The following C6orf163 variants were observed in gnomAD, a reference collection of about 807,000 sequenced individuals.
The protein encoded by C6orf163 is chromosome 6 open reading frame 163.
A neutral mutation model predicts 28.4 loss-of-function variants in C6orf163; 22 were observed. The observed-to-expected ratio is 0.78, with a 90% CI of 0.55 to 1.11. The LOEUF is 1.11. C6orf163 is among the 50% of genes least tolerant of loss of function. The pLI is 0.00. For missense variants in C6orf163, 342 were observed against 389.1 expected (o/e 0.88, Z 1.02); for synonymous variants, 110 against 123.6 (o/e 0.89, Z 0.73).
intron 3 of C6orf163, among the ~76,000 whole-genome samples, chr6:87,351,994 T>C (rs1329594074): frequency 6.6e-6 from 1 of 152,240 alleles, no homozygotes; most frequent in Admixed American, 6.5e-5. Flanking sequence ...AGTCTTTCTT[T>C]AAATAATGTT....
chr6:87,348,436 A>C, intron 1 of C6orf163: 2 of 995,638 alleles, frequency 2.0e-6, no homozygotes, highest in Non-Finnish European at 2.4e-6. Flanking sequence ...TAGCCCTAGC[A>C]CCCAAATAGG....
intron 1 of C6orf163, chr6:87,347,803 TG>T (rs1215525344): frequency 3.0e-6 from 3 of 985,548 alleles, no homozygotes; most frequent in East Asian, 2.3e-4. Context: ...CTCCGGCAGC[TG>T]GGAAAGGAGG....
chr6:87,354,151 A>G (rs1285562645), intron 3 of C6orf163, among the ~76,000 whole-genome samples: 2 of 152,294 alleles, frequency 1.3e-5, no homozygotes, highest in Non-Finnish European at 2.9e-5. Context: ...GAGCCACCAC[A>G]CCCAGCAGGG....
At chr6:87,345,351 T>C in intron 1 of C6orf163, 104 bp downstream of exon 1, 1 of 1,178,696 alleles carries the variant, frequency 8.5e-7, no homozygotes, top group Non-Finnish European at 1.1e-6. Flanking sequence ...TCAGAGTTGC[T>C]TGTCCCTACA....
chr6:87,351,167 C>A (rs1777406239), intron 3 of C6orf163, among the ~76,000 whole-genome samples: 1 of 152,130 alleles, frequency 6.6e-6, no homozygotes, highest in Admixed American at 6.5e-5. Flanking sequence ...ATTGTTAGTT[C>A]AGTACCTCGA....
At chr6:87,360,937 C>A (rs919056663) in intron 4 of C6orf163, among the ~76,000 whole-genome samples, 1 of 152,144 alleles carries the variant, frequency 6.6e-6, no homozygotes, top group African/African-American at 2.4e-5. Flanking sequence ...CCACTCCTGG[C>A]TTCAATTCCA....
At chr6:87,360,335 A>G (rs1267051951) in intron 4 of C6orf163, among the ~76,000 whole-genome samples, 1 of 152,108 alleles carries the variant, frequency 6.6e-6, no homozygotes, top group African/African-American at 2.4e-5. Flanking sequence ...CACATATCCC[A>G]AGAATTGGCT....
chr6:87,360,867 G>A (rs973102942), intron 4 of C6orf163, among the ~76,000 whole-genome samples: 10 of 152,120 alleles, frequency 6.6e-5, no homozygotes, highest in African/African-American at 9.7e-5. Flanking sequence ...ACACTAGGCA[G>A]GGGAGATACA....
At chr6:87,354,793 TAAC>T (rs1777473358) in intron 3 of C6orf163, among the ~76,000 whole-genome samples, 1 of 152,346 alleles carries the variant, frequency 6.6e-6, no homozygotes, top group South Asian at 2.1e-4. Flanking sequence ...AGGTTTGTCT[TAAC>T]AAATATTTTA....
intron 1 of C6orf163, chr6:87,347,786 A>G: frequency 1.0e-6 from 1 of 985,536 alleles, no homozygotes; most frequent in Non-Finnish European, 1.2e-6. Context: ...TGCTGCAGCT[A>G]GACTTACTCC....
At chr6:87,361,370 G>A (rs1777578729) in intron 4 of C6orf163, among the ~76,000 whole-genome samples, 1 of 152,148 alleles carries the variant, frequency 6.6e-6, no homozygotes, top group South Asian at 2.1e-4. Context: ...TGATATCAGG[G>A]AGTCTGAAAG....
rs770114344 is a variant in C6orf163 at position 87,365,376 on chromosome 6, A to G, written c.970A>G (p.Asn324Asp). 1 of 1,534,006 alleles carries G rather than the reference A, an allele frequency of 6.5e-7. No individual in the cohort carries two copies. Among genetic ancestry groups the G allele is most frequent in the Admixed American group, 2.1e-5 (1 of 48,118 alleles). Reference sequence around the variant, plus strand: ...ACCTTCTAATCTTGTTATTAAGGAGAACAAAACAACTCTTGATTAGAAGTC... The same window carrying G: ...ACCTTCTAATCTTGTTATTAAGGAGGACAAAACAACTCTTGATTAGAAGTC... ...KTPSNLVIKE[N>D]KTTLD Residue 324 changes from asparagine (N) to aspartate (D), a missense_variant, in exon 5 of 5, where the codon AAC becomes GAC. Physicochemically the swap from Asn to Asp is conservative, Grantham distance 23. Transcript: ENST00000388923.
At chr6:87,360,885 A>G (rs1376347878) in intron 4 of C6orf163, among the ~76,000 whole-genome samples, 1 of 152,154 alleles carries the variant, frequency 6.6e-6, no homozygotes, top group Admixed American at 6.5e-5. Flanking sequence ...ACAAAGATAA[A>G]TGGTCATTGC....
At chr6:87,347,769 G>A in intron 1 of C6orf163, 2 of 985,516 alleles carry the variant, frequency 2.0e-6, no homozygotes, top group South Asian at 9.4e-5. Context: ...TTGGCTTAAT[G>A]GTTTACTGCT....
chr6:87,356,897 A>C (rs187513823), intron 4 of C6orf163: 1 of 174,980 alleles, frequency 5.7e-6, no homozygotes, highest in Admixed American at 5.5e-5. Flanking sequence ...TCCCATAAAC[A>C]CATCATTAAA....
At chr6:87,364,369 A>T (rs1777617837) in intron 4 of C6orf163, among the ~76,000 whole-genome samples, 1 of 152,208 alleles carries the variant, frequency 6.6e-6, no homozygotes, top group African/African-American at 2.4e-5. Flanking sequence ...TTAATATTTT[A>T]AAAATGTCTC....
At chr6:87,348,245 G>T (rs1055097484) in intron 1 of C6orf163, 16 of 984,092 alleles carry the variant, frequency 1.6e-5, no homozygotes, top group Non-Finnish European at 1.9e-5. Context: ...ACCTTGTCTG[G>T]GTAGAGAGGA....
At chr6:87,355,299 G>A (rs1202226525) in intron 3 of C6orf163, among the ~76,000 whole-genome samples, 2 of 152,204 alleles carry the variant, frequency 1.3e-5, no homozygotes, top group African/African-American at 2.4e-5. Flanking sequence ...GGTGGCTCAT[G>A]CCTGTAATTC....
chr6:87,353,922 G>A (rs555473376), intron 3 of C6orf163, among the ~76,000 whole-genome samples: 1 of 152,262 alleles, frequency 6.6e-6, no homozygotes, highest in Admixed American at 6.5e-5. Flanking sequence ...TGTGATCTTG[G>A]CTCATTGCAA....
Sources: allele counts gnomAD v4.1 joint callset (sites outside exome capture counted in the v4.1 genomes callset), GRCh38; gene constraint gnomAD v4.1.1; transcripts MANE v1.5; gene names NCBI Gene and HGNC (gene_info 2026-07-23, HGNC 2026-07-21).